TXLNB: variants seen among roughly 807,000 people sequenced by gnomAD.
The protein encoded by TXLNB is taxilin beta.
TXLNB carries 37 observed loss-of-function variants against 57.4 expected under a neutral mutation model. The observed-to-expected ratio is 0.64, with a 90% CI of 0.50 to 0.85. The LOEUF (loss-of-function observed/expected upper bound fraction) is 0.85. Ranked by LOEUF, TXLNB falls within the 40% of genes least tolerant of loss-of-function variation. The pLI, the probability that TXLNB is intolerant of heterozygous loss-of-function variation, is 0.00. For missense variants in TXLNB, 848 were observed against 825.6 expected, an observed-to-expected ratio of 1.03 and a Z score of -0.33; for synonymous variants, 302 against 309.6, an observed-to-expected ratio of 0.98 and a Z score of 0.26.
At position 139,240,283 on chromosome 6, in the gene TXLNB, G is replaced by A. The variant is rs1441793964; in HGVS notation, c.*2243C>T. Reference sequence around the variant, plus strand: ...AAAGGACTATAATAAAACATTCTTTGAATATTAAAATAATTCCCCCAAAAC... The same window carrying A: ...AAAGGACTATAATAAAACATTCTTTAAATATTAAAATAATTCCCCCAAAAC... On this transcript the variant is annotated 3_prime_UTR_variant, in exon 10 of 10. Transcript: ENST00000358430. The A allele has an allele frequency of 6.6e-6, 1 of 152,546 alleles. No homozygotes were observed. Among genetic ancestry groups the A allele is most frequent in the Non-Finnish European group, 1.5e-5 (1 of 68,030 alleles). The allele number at this position is 152,546 out of a possible 1,614,324, so 9.4% of individuals were successfully genotyped here.
the TXLNB span, among the ~76,000 whole-genome samples, chr6:139,302,645 G>A: frequency 2.6e-5 from 4 of 151,466 alleles, no homozygotes; most frequent in African/African-American, 7.3e-5. Flanking sequence ...GAATGGTGGC[G>A]GGCACCTGAA....
chr6:139,217,017 T>C, the TXLNB span, among the ~76,000 whole-genome samples: 1 of 151,980 alleles, frequency 6.6e-6, no homozygotes, highest in South Asian at 2.1e-4. Context: ...ACTATTGAAA[T>C]AAAATAAAAA....
In TXLNB at chr6:139,242,307, A is replaced by G. The variant is rs1413706723; in HGVS notation, c.*219T>C. The G allele has an allele frequency of 7.7e-6, 3 of 391,466 alleles. No homozygotes were observed. Among genetic ancestry groups the G allele is most frequent in the Non-Finnish European group, 1.3e-5 (3 of 224,884 alleles). The allele number at this position is 391,466 out of a possible 1,614,324, so 24.2% of individuals were successfully genotyped here. ...TTTTGTTGCCCTTTGGGAAAATTATACTGTCAACCAGTGTTAAATAGAAAA... is the reference window on the plus strand; with the variant it reads ...TTTTGTTGCCCTTTGGGAAAATTATGCTGTCAACCAGTGTTAAATAGAAAA... On this transcript the variant is annotated 3_prime_UTR_variant, in exon 10 of 10. Coordinates refer to ENST00000358430, the MANE Select transcript of TXLNB (RefSeq NM_153235.4).
the TXLNB span, among the ~76,000 whole-genome samples, chr6:139,318,174 G>A: frequency 2.5e-3 from 375 of 150,342 alleles, 1 homozygote; most frequent in African/African-American, 8.9e-3. Flanking sequence ...GGAGGCTGAG[G>A]CAGGAGAATG....
chr6:139,232,610 T>C, the TXLNB span, among the ~76,000 whole-genome samples: 1 of 152,232 alleles, frequency 6.6e-6, no homozygotes, highest in Non-Finnish European at 1.5e-5. Flanking sequence ...CTCAGGCTCT[T>C]GACAGTTTTT....
intron 7 of TXLNB, among the ~76,000 whole-genome samples, chr6:139,253,684 G>A (rs1226992554): frequency 6.6e-6 from 1 of 152,076 alleles, no homozygotes; most frequent in Non-Finnish European, 1.5e-5. Context: ...GGGGAAATTA[G>A]ATCAAAACTT....
chr6:139,274,464 C>T (rs1776843925), intron 3 of TXLNB, among the ~76,000 whole-genome samples: 1 of 152,078 alleles, frequency 6.6e-6, no homozygotes, highest in African/African-American at 2.4e-5. Context: ...TAATCTTCTC[C>T]TATTCATTTT....
chr6:139,319,772 AT>A, the TXLNB span, among the ~76,000 whole-genome samples: 9 of 152,288 alleles, frequency 5.9e-5, no homozygotes, highest in East Asian at 1.7e-3. Flanking sequence ...CTCTAAAAAA[AT>A]AAATAAGTAA....
At chr6:139,244,011 A>G (rs1398363607) in intron 9 of TXLNB, among the ~76,000 whole-genome samples, 3 of 151,988 alleles carry the variant, frequency 2.0e-5, no homozygotes, top group Non-Finnish European at 2.9e-5. Flanking sequence ...CTCGTTATAC[A>G]TGGAGAGACC....
chr6:139,184,833 G>A, the TXLNB span, among the ~76,000 whole-genome samples: 12 of 152,162 alleles, frequency 7.9e-5, no homozygotes, highest in African/African-American at 2.9e-4. Flanking sequence ...GACTTGATCA[G>A]GGTTTATTGG....
chr6:139,207,224 TG>T, the TXLNB span, among the ~76,000 whole-genome samples: 5 of 152,210 alleles, frequency 3.3e-5, no homozygotes, highest in Admixed American at 1.3e-4. Flanking sequence ...ATAGACCATA[TG>T]ATAGGCCACA....
At chr6:139,232,444 A>C in the TXLNB span, among the ~76,000 whole-genome samples, 1 of 152,214 alleles carries the variant, frequency 6.6e-6, no homozygotes, top group African/African-American at 2.4e-5. Flanking sequence ...CTCTCATCTA[A>C]TATATATTTA....
At chr6:139,166,775 GT>G in the TXLNB span, 1 of 1,613,782 alleles carries the variant, frequency 6.2e-7, no homozygotes, top group Non-Finnish European at 8.5e-7. Context: ...GGAGAAGGCA[GT>G]GGGTGCCGCA....
the TXLNB span, among the ~76,000 whole-genome samples, chr6:139,322,710 G>A: frequency 6.6e-6 from 1 of 152,128 alleles, no homozygotes; most frequent in East Asian, 1.9e-4. Flanking sequence ...AGTAACAACT[G>A]CCTTCCCGGC....
chr6:139,172,313 T>A, the TXLNB span, among the ~76,000 whole-genome samples: 2 of 152,176 alleles, frequency 1.3e-5, no homozygotes, highest in African/African-American at 4.8e-5. Context: ...AGGGCCACAC[T>A]GCAGGCCACA....
chr6:139,220,323 T>C, the TXLNB span, among the ~76,000 whole-genome samples: 5 of 152,250 alleles, frequency 3.3e-5, no homozygotes, highest in Admixed American at 2.0e-4. Flanking sequence ...TATTTTGTTA[T>C]AGAAGCCTGA....
chr6:139,171,983 C>A, the TXLNB span, among the ~76,000 whole-genome samples: 3 of 152,030 alleles, frequency 2.0e-5, no homozygotes, highest in African/African-American at 7.2e-5. Flanking sequence ...GGCGCCGCCA[C>A]CACGCCTAGC....
intron 4 of TXLNB, 59 bp downstream of exon 4, chr6:139,270,397 G>A (rs1424517627): frequency 3.3e-6 from 5 of 1,494,828 alleles, no homozygotes; most frequent in Non-Finnish European, 3.6e-6. Flanking sequence ...ATGAGTAGCA[G>A]AGGCCTGTCT....
chr6:139,178,052 C>T, the TXLNB span: 1 of 152,152 alleles, frequency 6.6e-6, no homozygotes, highest in Admixed American at 6.5e-5. Context: ...CCAATTAATT[C>T]TGAGTTTCCA....
Sources: allele counts gnomAD v4.1 joint callset (sites outside exome capture counted in the v4.1 genomes callset), GRCh38; gene constraint gnomAD v4.1.1; transcripts MANE v1.5; gene names NCBI Gene and HGNC (gene_info 2026-07-23, HGNC 2026-07-21).